Variants in AADAC observed in about 807,000 individuals in gnomAD.
The protein encoded by AADAC is arylacetamide deacetylase.
AADAC carries 17 observed loss-of-function variants against 22.7 expected under a neutral mutation model. The ratio of observed to expected loss-of-function variants is 0.75; its 90% CI spans 0.51 to 1.12. AADAC has a LOEUF of 1.12. AADAC is among the 50% of genes most tolerant of loss of function. AADAC has a pLI of 0.00. For missense variants in AADAC, 465 were observed against 473.9 expected, an observed-to-expected ratio of 0.98 and a Z score of 0.17; for synonymous variants, 167 against 176.3, an observed-to-expected ratio of 0.95 and a Z score of 0.42.
chr3:151,828,129 G>A lies in AADAC; in HGVS notation c.1157G>A (p.Arg386Lys). ...FSFLGLKISHRLINQYIEWLK... is the reference protein window; with the variant it reads ...FSFLGLKISHKLINQYIEWLK... ...TTTCTGGGACTTAAAATTAGTCACA[G>A]ACTTATAAATCAGTATATTGAGTGG... is the stretch of plus-strand genomic sequence containing the variant. The change falls in exon 5 of 5, where the codon AGA becomes AAA. Residue 386 changes from arginine to lysine, a missense_variant. Coordinates refer to ENST00000232892, the MANE Select transcript of AADAC (RefSeq NM_001086.3). 1.9e-6 allele frequency: 3 copies of A among 1,605,868 alleles called. No individual in the cohort carries two copies. The highest frequency in any genetic ancestry group is 2.6e-6 in the Non-Finnish European group (3 of 1,174,208).
At chr3:151,818,558 G>A (rs1460037833) in intron 2 of AADAC, among the ~76,000 whole-genome samples, 2 of 152,008 alleles carry the variant, frequency 1.3e-5, no homozygotes, top group East Asian at 1.9e-4. Context: ...AAACAGAAGT[G>A]AGGCACAGAA....
In AADAC at chr3:151,817,358, AT is replaced by A. The variant is rs764341206; in HGVS notation, c.139-3del. The A allele has an allele frequency of 6.8e-6, 11 of 1,607,876 alleles. No homozygotes were observed. The highest frequency in any genetic ancestry group is 4.0e-5 in the African/African-American group (3 of 74,718). ...GAATTTCAGGAGGTTTGTGAATTTC[AT>A]TTTTAGGCTACATTTGTGGAGCTCC... On this transcript the variant is annotated splice_polypyrimidine_tract_variant and splice_region_variant and intron_variant, in intron 1 of 4. Coordinates refer to ENST00000232892, the MANE Select transcript of AADAC (RefSeq NM_001086.3).
In AADAC at chr3:151,814,215, A is replaced by G. The variant is rs748233143; in HGVS notation, c.53A>G (p.Tyr18Cys). The G allele has an allele frequency of 1.9e-6, 3 of 1,613,270 alleles. No individual in the cohort carries two copies. Among genetic ancestry groups the G allele is most frequent in the Non-Finnish European group, 2.5e-6 (3 of 1,179,408 alleles). ...ATTGTGGGGATCCTCATAGCATATT[A>G]TATTTATACGCCTCTCCCAGATAAC... ...LLIVGILIAYYIYTPLPDNVE... is the reference protein window; with the variant it reads ...LLIVGILIAYCIYTPLPDNVE... Residue 18 changes from tyrosine to cysteine, a missense_variant, in exon 1 of 5, where the codon TAT (tyrosine) becomes TGT (cysteine). Transcript: ENST00000232892.
intron 1 of AADAC, among the ~76,000 whole-genome samples, chr3:151,816,440 G>A (rs1715992076): frequency 6.6e-6 from 1 of 152,016 alleles, no homozygotes; most frequent in Non-Finnish European, 1.5e-5. Context: ...AAAGTACTTT[G>A]TACAGAGCTC....
chr3:151,827,144 C>T (rs1324954809), intron 4 of AADAC, among the ~76,000 whole-genome samples: 1 of 151,770 alleles, frequency 6.6e-6, no homozygotes, highest in Non-Finnish European at 1.5e-5. Context: ...AAACTCCTGA[C>T]CTCAAGCAAT....
intron 3 of AADAC, among the ~76,000 whole-genome samples, chr3:151,822,724 T>C (rs141736439): frequency 2.0e-5 from 3 of 151,988 alleles, no homozygotes; most frequent in East Asian, 1.9e-4. Context: ...TTGCCTATGA[T>C]TGGGTTTGGA....
intron 3 of AADAC, 60 bp downstream of exon 3, chr3:151,820,512 CTTTCTTTTTTT>C: frequency 3.1e-5 from 19 of 615,060 alleles, no homozygotes; most frequent in Middle Eastern, 4.6e-4. Flanking sequence ...ATTTTCTCAG[CTTTCTTTTTTT>C]TTTTTTTTTT....
rs754128031 is a variant in AADAC at position 151,817,508 on chromosome 3, A to C, written c.281A>C (p.Tyr94Ser). The C allele has an allele frequency of 1.9e-6, 3 of 1,613,854 alleles. No individual in the cohort carries two copies. Among genetic ancestry groups the C allele is most frequent in the Non-Finnish European group, 2.5e-6 (3 of 1,179,762 alleles). Residue 94 changes from tyrosine (Y) to serine (S), a missense_variant, in exon 2 of 5, where the codon TAT (tyrosine) becomes TCT (serine). Tyr to Ser is a moderately radical substitution (Grantham distance 144). Coordinates refer to ENST00000232892, the MANE Select transcript of AADAC (RefSeq NM_001086.3). Reference protein sequence around the residue: ...TKFNNILVRVYVPKRKSEALR... With the variant: ...TKFNNILVRVSVPKRKSEALR... ...TTCAACAACATTCTTGTTCGGGTAT[A>C]TGTGCCAAAGAGAAAGTCTGAAGCA...
At chr3:151,820,916 C>T (rs1314211728) in intron 3 of AADAC, among the ~76,000 whole-genome samples, 1 of 150,336 alleles carries the variant, frequency 6.7e-6, no homozygotes, top group Non-Finnish European at 1.5e-5. Flanking sequence ...CTAGGCTTAA[C>T]CTGATTAGAG....
At chr3:151,824,486 T>C (rs182138715) in intron 3 of AADAC, among the ~76,000 whole-genome samples, 177 bp from the exon 4 acceptor site, 2 of 152,098 alleles carry the variant, frequency 1.3e-5, no homozygotes, top group Non-Finnish European at 1.5e-5. Flanking sequence ...TGAGTGCTGG[T>C]TATATGGCTG....
At position 151,828,019 on chromosome 3, in the gene AADAC, A is replaced by C; in HGVS notation, c.1047A>C (p.Gly349=). The change falls in exon 5 of 5, where the codon GGA becomes GGC. Residue 349 remains glycine (G), a synonymous_variant. Transcript: ENST00000232892. The part of the protein sequence containing the change: ...TCQYDLLRDD[G]LMYVTRLRNT... Reference sequence around the variant, plus strand: ...AATATGATCTCTTAAGAGATGATGGACTCATGTATGTCACCCGACTTCGCA... The same window carrying C: ...AATATGATCTCTTAAGAGATGATGGCCTCATGTATGTCACCCGACTTCGCA... The C allele has an allele frequency of 6.2e-7, 1 of 1,613,236 alleles. No individual in the cohort carries two copies. The highest frequency in any genetic ancestry group is 8.5e-7 in the Non-Finnish European group (1 of 1,179,454).
At chr3:151,819,217 G>A (rs1716131365) in intron 2 of AADAC, among the ~76,000 whole-genome samples, 1 of 151,968 alleles carries the variant, frequency 6.6e-6, no homozygotes, top group Non-Finnish European at 1.5e-5. Context: ...GGAATAAGCA[G>A]ACAGCAAAGC....
At chr3:151,814,355 G>A (rs1406578182) in intron 1 of AADAC, 55 bp downstream of exon 1, 1 of 1,509,800 alleles carries the variant, frequency 6.6e-7, no homozygotes, top group African/African-American at 1.4e-5. Context: ...TTGACCCAGA[G>A]AATTAAGTTT....
chr3:151,827,785 T>C lies in AADAC; in HGVS notation c.813T>C (p.Pro271=). The C allele has an allele frequency of 6.2e-7, 1 of 1,613,384 alleles. No individual in the cohort carries two copies. Among genetic ancestry groups the C allele is most frequent in the Non-Finnish European group, 8.5e-7 (1 of 1,179,524 alleles). The change falls in exon 5 of 5, where the codon CCT becomes CCC. Residue 271 remains proline (P), a synonymous_variant. Coordinates refer to ENST00000232892, the MANE Select transcript of AADAC (RefSeq NM_001086.3). ...CCATGCTTTCCAGACAACATGTACC[T>C]GTGGAATCAAGTCATCTCTTCAAAT... ...EKAMLSRQHV[P]VESSHLFKFV...
intron 4 of AADAC, among the ~76,000 whole-genome samples, chr3:151,825,996 T>C (rs1310570287): frequency 1.3e-5 from 1 of 77,916 alleles, no homozygotes; most frequent in Admixed American, 1.3e-4. Context: ...GTAGAACATA[T>C]GTAGAAGGTT....
intron 1 of AADAC, among the ~76,000 whole-genome samples, chr3:151,816,537 C>T (rs1329825816): frequency 2.0e-5 from 3 of 151,952 alleles, no homozygotes; most frequent in Non-Finnish European, 4.4e-5. Flanking sequence ...TTGTCTGGTT[C>T]ATCTCTGAAA....
At chr3:151,819,530 T>C (rs1245867354) in intron 2 of AADAC, among the ~76,000 whole-genome samples, 1 of 152,034 alleles carries the variant, frequency 6.6e-6, no homozygotes, top group Non-Finnish European at 1.5e-5. Flanking sequence ...GCAAGAAAAT[T>C]ATAGATTGAA....
rs1421167712 is a variant in AADAC at position 151,824,838 on chromosome 3, T to C, written c.603+4T>C. ...AGCTGCAGCAGTGACTCAACAGGTA[T>C]GTTCATAATTTCTATGCTTTTTAAA... On this transcript the variant is annotated splice_donor_region_variant and intron_variant, in intron 4 of 4. Coordinates refer to ENST00000232892, the MANE Select transcript of AADAC (RefSeq NM_001086.3). 1 of 1,545,484 alleles carries C rather than the reference T, an allele frequency of 6.5e-7. No homozygotes were observed. Among genetic ancestry groups the C allele is most frequent in the Non-Finnish European group, 8.7e-7 (1 of 1,148,348 alleles).
intron 3 of AADAC, among the ~76,000 whole-genome samples, chr3:151,822,640 A>G (rs1437395822): frequency 6.6e-6 from 1 of 152,040 alleles, no homozygotes. Context: ...TCATAAATGG[A>G]AAGTTTTGTG....
Sources: allele counts gnomAD v4.1 joint callset (sites outside exome capture counted in the v4.1 genomes callset), GRCh38; gene constraint gnomAD v4.1.1; transcripts MANE v1.5; gene names NCBI Gene and HGNC (gene_info 2026-07-23, HGNC 2026-07-21).